The following PIP5K1C variants were observed in gnomAD, a reference collection of about 807,000 sequenced individuals.
PIP5K1C encodes the protein phosphatidylinositol 4-phosphate 5-kinase type-1 gamma.
In PIP5K1C, 45 loss-of-function variants were observed where a neutral mutation model predicts 80.1. The observed-to-expected ratio is 0.56, with a 90% CI of 0.44 to 0.72. The LOEUF (loss-of-function observed/expected upper bound fraction) is 0.72. Ranked by LOEUF, PIP5K1C falls within the 30% of genes least tolerant of loss-of-function variation. The pLI is 0.00. For missense variants in PIP5K1C, 753 were observed against 954.6 expected (o/e 0.79, Z 2.78); for synonymous variants, 498 against 420.1 (o/e 1.19, Z -2.27).
chr19:3,679,869 C>G (rs1009749946), intron 1 of PIP5K1C, among the ~76,000 whole-genome samples: 1 of 152,230 alleles, frequency 6.6e-6, no homozygotes, highest in East Asian at 1.9e-4. Context: ...GAGCAGGCAA[C>G]TGGAGCCTAG....
chr19:3,697,650 G>A (rs560896498), intron 1 of PIP5K1C, among the ~76,000 whole-genome samples: 2 of 152,186 alleles, frequency 1.3e-5, no homozygotes, highest in African/African-American at 4.8e-5. Context: ...GGCAGGGGCA[G>A]GGATGCAGCT....
At chr19:3,665,762 T>C (rs1291943070) in intron 2 of PIP5K1C, among the ~76,000 whole-genome samples, 3 of 152,140 alleles carry the variant, frequency 2.0e-5, no homozygotes. Flanking sequence ...CCTCAGCTTG[T>C]TGCCCTCGAG....
rs1393884931 is a variant in PIP5K1C, at chr19:3,688,552, C to G, written c.94+11745G>C. Among the ~76,000 whole-genome samples the G allele has an allele frequency of 6.6e-6, 1 of 152,182 alleles. No homozygotes were observed. The highest frequency in any genetic ancestry group is 2.4e-5 in the African/African-American group (1 of 41,448). Reference sequence around the variant, plus strand: ...TCCTGCTGTGAGCACCTGGCCTTTCCCTGGTCCACTGAGAGCCGCGTGTGT... The same window carrying G: ...TCCTGCTGTGAGCACCTGGCCTTTCGCTGGTCCACTGAGAGCCGCGTGTGT... On this transcript the variant is annotated intron_variant, in intron 1 of 17. Coordinates refer to ENST00000335312, the MANE Select transcript of PIP5K1C (RefSeq NM_012398.3). This position sits in a 1 kb window ranked among gnomAD's most constrained non-coding sequence, Gnocchi z 5.3.
intron 3 of PIP5K1C, among the ~76,000 whole-genome samples, chr19:3,662,820 C>T (rs1466953653): frequency 6.6e-6 from 1 of 151,472 alleles, no homozygotes; most frequent in African/African-American, 2.4e-5. Context: ...CCTGCCTGGG[C>T]CTCCCAAAAT....
At chr19:3,683,209 C>T (rs1423186983) in intron 1 of PIP5K1C, among the ~76,000 whole-genome samples, 2 of 152,146 alleles carry the variant, frequency 1.3e-5, no homozygotes, top group Non-Finnish European at 2.9e-5. Context: ...GCCAGGGCAG[C>T]GACTTCATCT....
In PIP5K1C at chr19:3,637,280, G is replaced by A. The variant is rs1033698549; in HGVS notation, c.1920+1604C>T. 6.7e-6 allele frequency: 10 copies of A among 1,486,852 alleles called. No homozygotes were observed. In the Admixed American group the frequency reaches 1.9e-4, roughly 29 times the overall value. The allele number at this position is 1,486,852 out of a possible 1,614,324, so 92.1% of individuals were successfully genotyped here. A position where few individuals can be genotyped will look rare whatever the true frequency, so the allele number is the denominator to read the frequency against. On this transcript the variant is annotated intron_variant, in intron 16 of 17. Transcript: ENST00000335312. This position sits in a 1 kb window ranked among gnomAD's most constrained non-coding sequence, Gnocchi z 7.0. ...CCGAAGCAGACCCTGGGCCTCAGCT[G>A]TGCACCTGGTGATGGTGCTGCCCTA...
At chr19:3,647,908 A>G (rs562034872) in intron 9 of PIP5K1C, among the ~76,000 whole-genome samples, 2 of 152,348 alleles carry the variant, frequency 1.3e-5, no homozygotes, top group African/African-American at 2.4e-5. Flanking sequence ...GATCGCACCA[A>G]TGCTCTTCGG....
At chr19:3,657,371 T>C (rs2034668218) in intron 5 of PIP5K1C, among the ~76,000 whole-genome samples, 1 of 152,188 alleles carries the variant, frequency 6.6e-6, no homozygotes, top group South Asian at 2.1e-4. Flanking sequence ...CTTCCGGGTA[T>C]GGAACCAATG....
chr19:3,676,212 G>A (rs1010237580), intron 1 of PIP5K1C, among the ~76,000 whole-genome samples: 1 of 152,216 alleles, frequency 6.6e-6, no homozygotes, highest in African/African-American at 2.4e-5. Context: ...CCTGTTTGGG[G>A]ACAGGCAGCA....
chr19:3,634,547 CCA>C (rs1372157138), intron 16 of PIP5K1C, among the ~76,000 whole-genome samples: 1 of 152,230 alleles, frequency 6.6e-6, no homozygotes, highest in Non-Finnish European at 1.5e-5. Flanking sequence ...CCTAAACTCG[CCA>C]CAGTCACAAC....
intron 1 of PIP5K1C, among the ~76,000 whole-genome samples, chr19:3,685,401 T>C (rs1279168242): frequency 1.3e-5 from 2 of 152,160 alleles, no homozygotes; most frequent in Non-Finnish European, 2.9e-5. Flanking sequence ...GGGGCTGGTA[T>C]ACCACAGTCC....
chr19:3,680,029 C>T (rs980495360), intron 1 of PIP5K1C, among the ~76,000 whole-genome samples: 2 of 152,208 alleles, frequency 1.3e-5, no homozygotes, highest in Non-Finnish European at 2.9e-5. Flanking sequence ...GGCTACAGCC[C>T]CCTCGGGGGG....
At chr19:3,672,528 A>G (rs986142087) in intron 1 of PIP5K1C, 2 of 152,380 alleles carry the variant, frequency 1.3e-5, no homozygotes, top group African/African-American at 4.8e-5. Flanking sequence ...TCCTCTCCAC[A>G]TCTGTCTGAC....
intron 1 of PIP5K1C, among the ~76,000 whole-genome samples, chr19:3,677,219 C>T (rs1386851311): frequency 6.6e-6 from 1 of 152,206 alleles, no homozygotes; most frequent in Non-Finnish European, 1.5e-5. Context: ...GCCGCCACTG[C>T]AGCGGAAGTG....
intron 5 of PIP5K1C, among the ~76,000 whole-genome samples, chr19:3,657,656 G>A (rs1360288493): frequency 6.6e-6 from 1 of 152,110 alleles, no homozygotes; most frequent in African/African-American, 2.4e-5. Flanking sequence ...AGGCACGGCG[G>A]CTCACCCAGC....
chr19:3,691,136 G>C (rs2035935854), intron 1 of PIP5K1C, among the ~76,000 whole-genome samples: 2 of 152,218 alleles, frequency 1.3e-5, no homozygotes, highest in South Asian at 4.1e-4. Context: ...AGAGCCACAA[G>C]GACTTTTTCT....
At chr19:3,678,307 CGGAGGGATGG>C (rs2035459809) in intron 1 of PIP5K1C, among the ~76,000 whole-genome samples, 3 of 42,804 alleles carry the variant, frequency 7.0e-5, no homozygotes, top group African/African-American at 9.6e-5. Flanking sequence ...GATGGAGGGA[CGGAGGGATGG>C]AGGGACGGAG....
chr19:3,663,589 G>C (rs1057464244), intron 3 of PIP5K1C, among the ~76,000 whole-genome samples: 1 of 152,224 alleles, frequency 6.6e-6, no homozygotes, highest in Non-Finnish European at 1.5e-5. Flanking sequence ...CGGGGTGGGA[G>C]GATCCCCTGA....
rs201651416 is a variant in PIP5K1C, at chr19:3,651,845, C to T, written c.1108G>A (p.Ala370Thr). ...SIQGGAARGEAIESDDTMGGI... is the reference protein window; with the variant it reads ...SIQGGAARGETIESDDTMGGI... ...ACCTACGTGTCATCCGATTCGATGG[C>T]CTCCCCGCGCGCGGCGCCACCCTGG... Residue 370 changes from alanine (A) to threonine (T), a missense_variant, in exon 8 of 18, where the codon GCC becomes ACC. By Grantham distance (58) the Ala-to-Thr change is moderately conservative. Coordinates refer to ENST00000335312, the MANE Select transcript of PIP5K1C (RefSeq NM_012398.3). 1.8e-5 allele frequency: 29 copies of T among 1,612,030 alleles called. No individual in the cohort carries two copies. Among genetic ancestry groups the T allele is most frequent in the Non-Finnish European group, 2.4e-5 (28 of 1,179,818 alleles).
Sources: gnomAD v4.1 joint callset for allele counts (sites outside exome capture counted in the v4.1 genomes callset) on GRCh38, gnomAD v4.1.1 for gene constraint, Gnocchi (gnomAD v3.1) non-coding constraint, MANE v1.5 for transcripts, NCBI Gene and HGNC (gene_info 2026-07-23, HGNC 2026-07-21) for gene names.